Variants in LDLRAD3 observed in about 807,000 individuals in gnomAD.
LDLRAD3 encodes low-density lipoprotein receptor class A domain-containing protein 3.
Under a neutral mutation model 29.4 loss-of-function variants are expected in LDLRAD3, and 20 were observed. The ratio of observed to expected loss-of-function variants is 0.68; its 90% CI spans 0.48 to 0.99. The LOEUF is 0.99. Among genes scored for constraint, LDLRAD3 ranks in the 50% least tolerant of loss-of-function variants. The pLI, the probability that LDLRAD3 is intolerant of heterozygous loss-of-function variation, is 0.00. For synonymous variants in LDLRAD3, 157 were observed against 192.7 expected (o/e 0.81, Z 1.53); for missense variants, 420 against 454.3 (o/e 0.92, Z 0.69).
Position 36,227,071 on chromosome 11 carries a change from C to T in LDLRAD3, c.455-14C>T, listed in dbSNP as rs778121415. The T allele has an allele frequency of 1.9e-6, 3 of 1,563,920 alleles. No homozygotes were observed. In the African/African-American group the frequency reaches 4.1e-5, roughly 21 times the overall value. On this transcript the variant is annotated splice_polypyrimidine_tract_variant and intron_variant, in intron 4 of 5. Coordinates refer to ENST00000315571, the MANE Select transcript of LDLRAD3 (RefSeq NM_174902.4). ...TAACCTTCTCTCTTTTCTCTCCTCT[C>T]TTGGGTTTCTCAGAACCCGGCAGTG... is the stretch of plus-strand genomic sequence containing the variant.
At chr11:36,116,727 G>A (rs553306092) in intron 4 of LDLRAD3, among the ~76,000 whole-genome samples, 1 of 152,002 alleles carries the variant, frequency 6.6e-6, no homozygotes, top group South Asian at 2.1e-4. Flanking sequence ...TAAAAGCCAC[G>A]TGTAATTCTT....
intron 3 of LDLRAD3, among the ~76,000 whole-genome samples, chr11:36,088,458 G>A (rs1240786850): frequency 6.6e-6 from 1 of 152,188 alleles, no homozygotes; most frequent in African/African-American, 2.4e-5. Context: ...AAAAACCACT[G>A]TGTCCTGGAC....
intron 4 of LDLRAD3, among the ~76,000 whole-genome samples, chr11:36,179,390 C>T (rs1854723833): frequency 6.6e-6 from 1 of 152,170 alleles, no homozygotes; most frequent in South Asian, 2.1e-4. Flanking sequence ...AGGAGAATCA[C>T]TTGAACCCAG....
intron 2 of LDLRAD3, among the ~76,000 whole-genome samples, chr11:36,044,774 G>A (rs1852425858): frequency 6.6e-6 from 1 of 152,254 alleles, no homozygotes; most frequent in Non-Finnish European, 1.5e-5. Context: ...TGCAGGGAAG[G>A]AAGCTTGGAG....
chr11:35,947,680 G>A (rs1851075396), intron 1 of LDLRAD3, among the ~76,000 whole-genome samples: 1 of 152,134 alleles, frequency 6.6e-6, no homozygotes, highest in Non-Finnish European at 1.5e-5. Context: ...GGAAATCATT[G>A]TATGGTTCAG....
chr11:35,982,395 C>T (rs1232099429), intron 1 of LDLRAD3, among the ~76,000 whole-genome samples: 1 of 150,522 alleles, frequency 6.6e-6, no homozygotes, highest in Non-Finnish European at 1.5e-5. Flanking sequence ...ATGAGGACGC[C>T]AGTCATGTTG....
At position 36,229,495 on chromosome 11, in the gene LDLRAD3, G is replaced by A; in HGVS notation, c.*98G>A. The A allele has an allele frequency of 1.2e-6, 1 of 833,880 alleles. No individual in the cohort carries two copies. Among genetic ancestry groups the A allele is most frequent in the East Asian group, 2.4e-5 (1 of 40,870 alleles). The allele number at this position is 833,880 out of a possible 1,614,324, so 51.7% of individuals were successfully genotyped here. Reference sequence around the variant, plus strand: ...GGGAAGCTCTTTAAGCACCTGTAAGGGTGTCTCAAGTTACAGTTTGGGATA... The same window carrying A: ...GGGAAGCTCTTTAAGCACCTGTAAGAGTGTCTCAAGTTACAGTTTGGGATA... On this transcript the variant is annotated 3_prime_UTR_variant, in exon 6 of 6. Coordinates refer to ENST00000315571, the MANE Select transcript of LDLRAD3 (RefSeq NM_174902.4).
At chr11:36,043,096 G>A (rs1318347613) in intron 2 of LDLRAD3, among the ~76,000 whole-genome samples, 2 of 152,200 alleles carry the variant, frequency 1.3e-5, no homozygotes, top group Non-Finnish European at 2.9e-5. Context: ...CAGATCGTTT[G>A]AGCCCAAGAA....
chr11:36,158,360 G>A (rs1385792305), intron 4 of LDLRAD3, among the ~76,000 whole-genome samples: 1 of 152,066 alleles, frequency 6.6e-6, no homozygotes, highest in African/African-American at 2.4e-5. Flanking sequence ...TTGCTGTTCT[G>A]TTCACTTAGA....
At chr11:36,070,338 G>A (rs2173553) in intron 2 of LDLRAD3, among the ~76,000 whole-genome samples, 118,403 of 152,208 alleles carry the variant, frequency 0.78, 46,714 homozygotes, top group African/African-American at 0.91. Context: ...AACAAAAACC[G>A]TTTGTATATG....
chr11:36,049,150 T>C (rs1349604723), intron 2 of LDLRAD3, among the ~76,000 whole-genome samples: 1 of 152,142 alleles, frequency 6.6e-6, no homozygotes. Flanking sequence ...CAAAATATAG[T>C]CAGTGGTAAT....
At chr11:36,137,232 CTGTT>C (rs1854017625) in intron 4 of LDLRAD3, among the ~76,000 whole-genome samples, 1 of 152,190 alleles carries the variant, frequency 6.6e-6, no homozygotes. Context: ...CATTCTGTCA[CTGTT>C]TGTGTATGTA....
At chr11:35,975,141 C>T (rs1369741278) in intron 1 of LDLRAD3, among the ~76,000 whole-genome samples, 1 of 152,172 alleles carries the variant, frequency 6.6e-6, no homozygotes, top group East Asian at 1.9e-4. Flanking sequence ...GTCCATAATC[C>T]ATGTCTCCAG....
Position 36,229,203 on chromosome 11 carries a change from AC to A in LDLRAD3, c.845del (p.Thr282ArgfsTer4), listed in dbSNP as rs1855539829. ...DLPPPPYSSD[T>X]ESLNQADLPP... ...TCCTCCACCGCCCTACTCTTCTGAC[AC>A]GGAATCTCTGAACCAAGCCGACCTG... is the stretch of plus-strand genomic sequence containing the variant. On this transcript the variant is annotated frameshift_variant, in exon 6 of 6. Coordinates refer to ENST00000315571, the MANE Select transcript of LDLRAD3 (RefSeq NM_174902.4). LOFTEE classifies it high-confidence loss of function. 1 of 1,613,458 alleles carries A rather than the reference AC, an allele frequency of 6.2e-7. No homozygotes were observed. Among genetic ancestry groups the A allele is most frequent in the South Asian group, 1.1e-5 (1 of 91,052 alleles).
At position 36,105,280 on chromosome 11, in the gene LDLRAD3, G is replaced by T. The variant is rs548327353; in HGVS notation, c.454+6819G>T. On this transcript the variant is annotated intron_variant, in intron 4 of 5. Coordinates refer to ENST00000315571, the MANE Select transcript of LDLRAD3 (RefSeq NM_174902.4). The stretch of plus-strand genomic sequence containing the variant: ...GAGAGAGAAAGACAAGGCGGTGTGT[G>T]TGGTTGTAAGAGTGTATGCATTCTT... 6.6e-5 allele frequency among the ~76,000 whole-genome samples: 10 copies of T among 151,866 alleles called. No individual in the cohort carries two copies. The East Asian group carries it at 1.9e-3, about 30-fold the overall frequency.
chr11:36,143,935 C>T (rs1300417723), intron 4 of LDLRAD3, among the ~76,000 whole-genome samples: 1 of 140,114 alleles, frequency 7.1e-6, no homozygotes, highest in African/African-American at 2.8e-5. Context: ...CCTCCCCCTC[C>T]CCCTCCCCCT....
chr11:36,157,895 G>A (rs1168053248), intron 4 of LDLRAD3, among the ~76,000 whole-genome samples: 1 of 152,174 alleles, frequency 6.6e-6, no homozygotes, highest in Non-Finnish European at 1.5e-5. Context: ...GGAGCAGAAG[G>A]CACTGCTACA....
chr11:36,063,295 T>A (rs1412080434), intron 2 of LDLRAD3, among the ~76,000 whole-genome samples: 4 of 152,194 alleles, frequency 2.6e-5, no homozygotes, highest in Admixed American at 2.6e-4. Context: ...TACCAGAAAG[T>A]TTTGTTCTTT....
intron 2 of LDLRAD3, among the ~76,000 whole-genome samples, chr11:36,049,521 G>A (rs1187671306): frequency 2.0e-5 from 3 of 152,148 alleles, no homozygotes; most frequent in African/African-American, 7.2e-5. Flanking sequence ...AAGTCAAAAG[G>A]TAACTGCATA....
Sources: gnomAD v4.1 joint callset for allele counts (sites outside exome capture counted in the v4.1 genomes callset) on GRCh38, gnomAD v4.1.1 for gene constraint, MANE v1.5 for transcripts, NCBI Gene and HGNC (gene_info 2026-07-23, HGNC 2026-07-21) for gene names.